The following LRBA variants were observed in gnomAD, a reference collection of about 807,000 sequenced individuals.
The protein encoded by LRBA is lipopolysaccharide-responsive and beige-like anchor protein.
LRBA carries 176 observed loss-of-function variants against 330.0 expected under a neutral mutation model. The ratio of observed to expected loss-of-function variants is 0.53; its 90% CI spans 0.47 to 0.60. The LOEUF (loss-of-function observed/expected upper bound fraction) is 0.60, where lower values mean the gene tolerates loss of function less well. LRBA is among the 20% of genes least tolerant of loss of function. The pLI, the probability that LRBA is intolerant of heterozygous loss-of-function variation, is 0.00. For synonymous variants in LRBA, 1,230 were observed against 1,193.0 expected, an observed-to-expected ratio of 1.03 and a Z score of -0.64; for missense variants, 3,259 against 3,444.8, an observed-to-expected ratio of 0.95 and a Z score of 1.35.
intron 17 of LRBA, among the ~76,000 whole-genome samples, chr4:150,879,110 A>C (rs564324085): frequency 6.6e-6 from 1 of 152,160 alleles, no homozygotes; most frequent in Admixed American, 6.6e-5. Context: ...ACACAGCTGC[A>C]AAAGTCCCCA....
intron 35 of LRBA, among the ~76,000 whole-genome samples, chr4:150,756,687 C>T (rs896602678): frequency 6.6e-6 from 1 of 152,034 alleles, no homozygotes; most frequent in Non-Finnish European, 1.5e-5. Context: ...AACAATGTAA[C>T]CTACACCACA....
At chr4:150,923,427 C>A (rs1733546470) in intron 4 of LRBA, among the ~76,000 whole-genome samples, 1 of 152,154 alleles carries the variant, frequency 6.6e-6, no homozygotes. Flanking sequence ...GTCAATCTTA[C>A]CCAGCCTTTA....
At chr4:150,815,762 A>C (rs976733975) in intron 31 of LRBA, among the ~76,000 whole-genome samples, 2 of 151,966 alleles carry the variant, frequency 1.3e-5, no homozygotes, top group Admixed American at 1.3e-4. Context: ...CTTCATGGAG[A>C]TCCAAATGAC....
intron 40 of LRBA, among the ~76,000 whole-genome samples, chr4:150,571,534 T>C (rs1410381913): frequency 6.6e-6 from 1 of 151,954 alleles, no homozygotes. Flanking sequence ...TTCAAATTTG[T>C]ATTCTCCATT....
In LRBA at chr4:150,505,148, C is replaced by T. The variant is rs562979757; in HGVS notation, c.6331-14113G>A. ...AATAATGGGAGACTTTAACACCCCA[C>T]TGTCAACATTAGACAGATCAATGAG... On this transcript the variant is annotated intron_variant, in intron 40 of 56. Coordinates refer to ENST00000651943, the MANE Select transcript of LRBA (RefSeq NM_001364905.1). Among the ~76,000 whole-genome samples the T allele has an allele frequency of 1.9e-3, 297 of 152,332 alleles. 1 individual carries two copies. Among genetic ancestry groups the T allele is most frequent in the African/African-American group, 6.9e-3 (285 of 41,560 alleles).
At chr4:150,592,970 C>T (rs951433531) in intron 38 of LRBA, among the ~76,000 whole-genome samples, 6 of 151,916 alleles carry the variant, frequency 3.9e-5, no homozygotes. Context: ...AATATACTTA[C>T]AATTAACCAA....
At chr4:150,302,064 C>T (rs1729748009) in intron 53 of LRBA, among the ~76,000 whole-genome samples, 7 of 152,054 alleles carry the variant, frequency 4.6e-5, no homozygotes, top group Admixed American at 4.6e-4. Flanking sequence ...AATGGTTACA[C>T]ATTTTTTGTT....
intron 40 of LRBA, among the ~76,000 whole-genome samples, chr4:150,499,260 AT>A (rs953556527): frequency 6.6e-6 from 1 of 152,076 alleles, no homozygotes; most frequent in Admixed American, 6.5e-5. Context: ...TCCCTTTATA[AT>A]TTTTTCATTT....
At chr4:150,353,459 T>A (rs988555039) in intron 47 of LRBA, among the ~76,000 whole-genome samples, 38 of 152,268 alleles carry the variant, frequency 2.5e-4, no homozygotes, top group Middle Eastern at 3.4e-3. Flanking sequence ...AAAGTACAAA[T>A]GAATTTTCTC....
intron 37 of LRBA, among the ~76,000 whole-genome samples, chr4:150,612,962 C>T (rs1057109026): frequency 6.6e-6 from 1 of 152,004 alleles, no homozygotes; most frequent in African/African-American, 2.4e-5. Flanking sequence ...AATTGATACA[C>T]AAAGAAGACG....
At chr4:150,922,762 T>C (rs772679182) in intron 4 of LRBA, among the ~76,000 whole-genome samples, 2 of 151,754 alleles carry the variant, frequency 1.3e-5, no homozygotes, top group African/African-American at 4.8e-5. Context: ...CAATAACTTA[T>C]GGAAAAATAA....
chr4:150,728,547 AAATC>A (rs1280013964), intron 36 of LRBA, among the ~76,000 whole-genome samples: 2 of 152,170 alleles, frequency 1.3e-5, no homozygotes, highest in African/African-American at 2.4e-5. Context: ...CAATGTATGC[AAATC>A]AATCAATCAA....
At chr4:150,521,035 T>C (rs2152167058) in intron 40 of LRBA, among the ~76,000 whole-genome samples, 1 of 152,302 alleles carries the variant, frequency 6.6e-6, no homozygotes, top group Middle Eastern at 3.4e-3. Context: ...TTAATCTAAA[T>C]TGTCCAATTT....
intron 48 of LRBA, among the ~76,000 whole-genome samples, chr4:150,345,220 G>A (rs541520719): frequency 2.3e-4 from 35 of 152,236 alleles, no homozygotes; most frequent in Admixed American, 9.8e-4. Flanking sequence ...TTTCCCATTA[G>A]ATAATGAACT....
chr4:150,430,506 T>C (rs1750236751), intron 46 of LRBA, among the ~76,000 whole-genome samples: 1 of 152,132 alleles, frequency 6.6e-6, no homozygotes, highest in African/African-American at 2.4e-5. Context: ...GAGCCTACTG[T>C]ACTAAATTGC....
At chr4:150,578,786 C>T (rs1023252266) in intron 40 of LRBA, among the ~76,000 whole-genome samples, 3 of 152,200 alleles carry the variant, frequency 2.0e-5, no homozygotes, top group Non-Finnish European at 1.5e-5. Context: ...CTGAAGGTTA[C>T]GGACTACCTG....
intron 52 of LRBA, among the ~76,000 whole-genome samples, chr4:150,309,898 G>A (rs2126877473): frequency 6.6e-6 from 1 of 152,244 alleles, no homozygotes; most frequent in East Asian, 1.9e-4. Context: ...ACTTCTGTGT[G>A]TGTGCACTTG....
intron 22 of LRBA, among the ~76,000 whole-genome samples, chr4:150,866,084 G>T (rs1037412405): frequency 6.6e-6 from 1 of 152,170 alleles, no homozygotes; most frequent in Non-Finnish European, 1.5e-5. Context: ...TCAGTAAAAT[G>T]TAACACTTAA....
chr4:150,324,440 CAT>C (rs1385986596), intron 49 of LRBA, among the ~76,000 whole-genome samples: 1 of 151,956 alleles, frequency 6.6e-6, no homozygotes, highest in African/African-American at 2.4e-5. Context: ...GATTTAAAAA[CAT>C]GTAGGGGAAA....
Sources: gnomAD v4.1 joint callset for allele counts (sites outside exome capture counted in the v4.1 genomes callset) on GRCh38, gnomAD v4.1.1 for gene constraint, MANE v1.5 for transcripts, NCBI Gene and HGNC (gene_info 2026-07-23, HGNC 2026-07-21) for gene names.